Variants in PRKG1 observed in about 807,000 individuals in gnomAD.
PRKG1 encodes protein kinase cGMP-dependent 1, also known as cGMP-dependent protein kinase 1.
A neutral mutation model predicts 88.1 loss-of-function variants in PRKG1; 35 were observed. That is an observed-to-expected ratio of 0.40 (90% confidence interval 0.30 to 0.53). The LOEUF (loss-of-function observed/expected upper bound fraction) is 0.53. Among genes scored for constraint, PRKG1 ranks in the 20% least tolerant of loss-of-function variants. The pLI, the probability that PRKG1 is intolerant of heterozygous loss-of-function variation, is 0.59. For synonymous variants in PRKG1, 303 were observed against 292.5 expected, an observed-to-expected ratio of 1.04 and a Z score of -0.37; for missense variants, 540 against 839.8, an observed-to-expected ratio of 0.64 and a Z score of 4.41.
chr10:51,082,942 A>G (rs1346328738), intron 1 of PRKG1, among the ~76,000 whole-genome samples: 3 of 152,212 alleles, frequency 2.0e-5, no homozygotes, highest in Non-Finnish European at 1.5e-5. Context: ...GACCTGAGGT[A>G]TAGGTATATT....
intron 4 of PRKG1, among the ~76,000 whole-genome samples, chr10:51,863,898 A>C (rs1245576037): frequency 1.3e-5 from 2 of 152,154 alleles, no homozygotes; most frequent in Non-Finnish European, 2.9e-5. Context: ...GCTTATCAAC[A>C]ATTTCCTGTA....
Position 52,161,937 on chromosome 10 carries a change from A to G in PRKG1, c.1050A>G (p.Ala350=). The change falls in exon 9 of 18, where the codon GCA becomes GCG. Residue 350 remains alanine (A), a synonymous_variant. Transcript: ENST00000373980. Reference sequence around the variant, plus strand: ...GGCTGGATGATGTTTCTAATAAAGCATATGAAGATGCAGAAGCTAAAGCAA... The same window carrying G: ...GGCTGGATGATGTTTCTAATAAAGCGTATGAAGATGCAGAAGCTAAAGCAA... The part of the protein sequence containing the change: ...IGGLDDVSNK[A]YEDAEAKAKY... 1.2e-6 allele frequency: 2 copies of G among 1,612,466 alleles called. No individual in the cohort carries two copies. Among genetic ancestry groups the G allele is most frequent in the Non-Finnish European group, 1.7e-6 (2 of 1,179,356 alleles).
At chr10:51,726,869 C>T (rs1055442217) in intron 3 of PRKG1, among the ~76,000 whole-genome samples, 5 of 152,114 alleles carry the variant, frequency 3.3e-5, no homozygotes, top group African/African-American at 9.7e-5. Flanking sequence ...CTCCGCCTCC[C>T]AGGTTCACGC....
At chr10:51,196,918 G>A (rs550835293) in intron 2 of PRKG1, among the ~76,000 whole-genome samples, 12 of 152,258 alleles carry the variant, frequency 7.9e-5, no homozygotes, top group Admixed American at 7.8e-4. Context: ...TTCATAACAA[G>A]CATAATAGTG....
intron 2 of PRKG1, among the ~76,000 whole-genome samples, chr10:51,256,062 G>T (rs980260356): frequency 4.6e-5 from 7 of 151,998 alleles, no homozygotes; most frequent in African/African-American, 9.7e-5. Flanking sequence ...ATGTCATTCT[G>T]CTCCTACTTG....
chr10:51,667,829 C>T (rs1355234459), intron 3 of PRKG1, among the ~76,000 whole-genome samples: 9 of 152,122 alleles, frequency 5.9e-5, no homozygotes, highest in Admixed American at 1.3e-4. Flanking sequence ...CTATTTTGAG[C>T]TCTATATTGT....
intron 1 of PRKG1, among the ~76,000 whole-genome samples, chr10:51,147,036 G>A (rs1028259687): frequency 6.6e-5 from 10 of 152,096 alleles, no homozygotes; most frequent in Non-Finnish European, 1.3e-4. Flanking sequence ...AGTGAAATCG[G>A]TCAGTCACAG....
At chr10:52,050,681 A>G (rs572833973) in intron 5 of PRKG1, among the ~76,000 whole-genome samples, 2 of 152,290 alleles carry the variant, frequency 1.3e-5, no homozygotes, top group East Asian at 1.9e-4. Flanking sequence ...CTCATGCAAC[A>G]TGGACATATG....
At chr10:51,555,766 T>C (rs1312388018) in intron 3 of PRKG1, among the ~76,000 whole-genome samples, 2 of 151,974 alleles carry the variant, frequency 1.3e-5, no homozygotes, top group Non-Finnish European at 2.9e-5. Flanking sequence ...ACTTGGTGAC[T>C]TGGCTGGAAG....
chr10:51,045,670 A>C (rs1309787400), intron 1 of PRKG1, among the ~76,000 whole-genome samples: 1 of 152,166 alleles, frequency 6.6e-6, no homozygotes, highest in Non-Finnish European at 1.5e-5. Context: ...GCACATGTAC[A>C]TTTCCACAAC....
intron 5 of PRKG1, among the ~76,000 whole-genome samples, chr10:51,945,518 T>C (rs2133040018): frequency 6.6e-6 from 1 of 152,006 alleles, no homozygotes; most frequent in East Asian, 1.9e-4. Flanking sequence ...CTGGTTATTT[T>C]GCTCATTAGT....
intron 4 of PRKG1, among the ~76,000 whole-genome samples, chr10:51,846,238 CA>C (rs1212613132): frequency 2.0e-5 from 3 of 152,122 alleles, no homozygotes; most frequent in African/African-American, 4.8e-5. Flanking sequence ...ACCTGATGAG[CA>C]AAATAGAAAA....
intron 9 of PRKG1, among the ~76,000 whole-genome samples, chr10:52,179,597 GGATCTTCAAGCTTCCTA>G (rs1184308136): frequency 6.6e-6 from 1 of 152,080 alleles, no homozygotes; most frequent in Non-Finnish European, 1.5e-5. Context: ...ATATATTTGG[GGATCTTCAAGCTTCCTA>G]GATCTGGATG....
In PRKG1 at chr10:51,162,428, T is replaced by A. The variant is rs538059858; in HGVS notation, c.478+9098T>A. Among the ~76,000 whole-genome samples the A allele has an allele frequency of 5.3e-5, 8 of 152,348 alleles. No individual in the cohort carries two copies. In the South Asian group the frequency reaches 8.3e-4, roughly 16 times the overall value. The stretch of plus-strand genomic sequence containing the variant: ...GGCCCTTCTATAAACTCCTTTCTGA[T>A]AAAATGAAAATATTTTTGTGCTAAG... On this transcript the variant is annotated intron_variant, in intron 2 of 17. Transcript: ENST00000373980.
chr10:52,223,485 T>G (rs2132337463), intron 9 of PRKG1, among the ~76,000 whole-genome samples: 1 of 152,256 alleles, frequency 6.6e-6, no homozygotes, highest in South Asian at 2.1e-4. Context: ...CCTGAGCACT[T>G]CCAATAGTTC....
At chr10:52,024,319 T>TGTG (rs1845272231) in intron 5 of PRKG1, among the ~76,000 whole-genome samples, 3 of 139,602 alleles carry the variant, frequency 2.1e-5, no homozygotes, top group Admixed American at 6.9e-5. Flanking sequence ...TTATTTAACT[T>TGTG]TTTTTTTTAT....
intron 3 of PRKG1, among the ~76,000 whole-genome samples, chr10:51,702,604 G>A (rs2132417221): frequency 6.6e-6 from 1 of 152,230 alleles, no homozygotes; most frequent in South Asian, 2.1e-4. Flanking sequence ...GATATATTAA[G>A]ACTGATTTCA....
chr10:51,508,319 A>G (rs190143409), intron 3 of PRKG1, among the ~76,000 whole-genome samples: 180 of 152,286 alleles, frequency 1.2e-3, no homozygotes, highest in African/African-American at 4.3e-3. Context: ...GAATATACGC[A>G]TGGTCTGCCT....
At chr10:51,737,583 T>C (rs1675517041) in intron 3 of PRKG1, among the ~76,000 whole-genome samples, 1 of 152,088 alleles carries the variant, frequency 6.6e-6, no homozygotes, top group Non-Finnish European at 1.5e-5. Flanking sequence ...CTGCAGTTCA[T>C]TGACTGTTGC....
Sources: allele counts gnomAD v4.1 joint callset (sites outside exome capture counted in the v4.1 genomes callset), GRCh38; gene constraint gnomAD v4.1.1; transcripts MANE v1.5; gene names NCBI Gene and HGNC (gene_info 2026-07-23, HGNC 2026-07-21).